CMSS1: variants seen among roughly 807,000 people sequenced by gnomAD.
CMSS1 encodes protein CMSS1.
A neutral mutation model predicts 43.5 loss-of-function variants in CMSS1; 33 were observed. That is an observed-to-expected ratio of 0.76 (90% confidence interval 0.57 to 1.01). The LOEUF is 1.01. Among genes scored for constraint, CMSS1 ranks in the 50% least tolerant of loss-of-function variants. The pLI is 0.00. For missense variants in CMSS1, 313 were observed against 326.4 expected (o/e 0.96, Z 0.32); for synonymous variants, 115 against 117.2 (o/e 0.98, Z 0.12).
At chr3:100,136,102 A>G (rs2066750884) in intron 1 of CMSS1, among the ~76,000 whole-genome samples, 1 of 152,220 alleles carries the variant, frequency 6.6e-6, no homozygotes, top group Admixed American at 6.5e-5. Context: ...CAGAATGACA[A>G]GAAAACTTCT....
intron 1 of CMSS1, among the ~76,000 whole-genome samples, chr3:99,860,696 A>G (rs897048719): frequency 1.3e-5 from 2 of 152,164 alleles, no homozygotes; most frequent in African/African-American, 4.8e-5. Context: ...AGACTTGAAA[A>G]GATGCTCAGG....
intron 1 of CMSS1, among the ~76,000 whole-genome samples, chr3:99,867,702 T>C (rs1373532039): frequency 6.6e-6 from 1 of 152,144 alleles, no homozygotes; most frequent in Non-Finnish European, 1.5e-5. Flanking sequence ...ACAAAATAAA[T>C]ACTCCCAACA....
chr3:100,155,384 C>A (rs1258177001), intron 2 of CMSS1, among the ~76,000 whole-genome samples: 1 of 152,164 alleles, frequency 6.6e-6, no homozygotes, highest in Non-Finnish European at 1.5e-5. Flanking sequence ...TTACTCTGTT[C>A]CTATTGTTAA....
chr3:99,954,004 G>A (rs1708250416), intron 1 of CMSS1, among the ~76,000 whole-genome samples: 1 of 152,202 alleles, frequency 6.6e-6, no homozygotes, highest in Non-Finnish European at 1.5e-5. Context: ...CCTTATTTTT[G>A]TTGCACCCTT....
intron 1 of CMSS1, among the ~76,000 whole-genome samples, chr3:99,923,006 C>G (rs1424986106): frequency 2.0e-5 from 3 of 152,034 alleles, no homozygotes; most frequent in Non-Finnish European, 4.4e-5. Context: ...TTATTTGGTG[C>G]TATTTGACTG....
chr3:99,845,323 A>T (rs1265844777), intron 1 of CMSS1, among the ~76,000 whole-genome samples: 1 of 152,204 alleles, frequency 6.6e-6, no homozygotes, highest in Admixed American at 6.5e-5. Flanking sequence ...ATAGGATTCT[A>T]CCTTTTAAAG....
At chr3:99,884,102 C>G (rs1241710816) in intron 1 of CMSS1, among the ~76,000 whole-genome samples, 1 of 152,080 alleles carries the variant, frequency 6.6e-6, no homozygotes, top group Non-Finnish European at 1.5e-5. Context: ...GTTAGCAGCC[C>G]TTATAGTTCA....
intron 1 of CMSS1, among the ~76,000 whole-genome samples, chr3:99,856,563 T>C (rs1559661878): frequency 6.6e-6 from 1 of 152,216 alleles, no homozygotes; most frequent in Non-Finnish European, 1.5e-5. Flanking sequence ...CTTAAAGCAG[T>C]ATCTTATTAC....
At chr3:99,865,070 G>C (rs1048424613) in intron 1 of CMSS1, among the ~76,000 whole-genome samples, 10 of 152,150 alleles carry the variant, frequency 6.6e-5, no homozygotes, top group African/African-American at 2.4e-4. Flanking sequence ...ATATTTGAAA[G>C]CATGGGTATA....
intron 1 of CMSS1, among the ~76,000 whole-genome samples, chr3:100,032,557 T>C (rs1367316531): frequency 6.6e-6 from 1 of 152,188 alleles, no homozygotes; most frequent in East Asian, 1.9e-4. Context: ...TTCATAACAT[T>C]GTAAAGCTCA....
intron 1 of CMSS1, among the ~76,000 whole-genome samples, chr3:99,942,848 CAA>C (rs1707891812): frequency 6.6e-6 from 1 of 150,906 alleles, no homozygotes. Context: ...AACTGAAAAA[CAA>C]GAGGTGATTT....
At chr3:100,026,565 T>G (rs2064925945) in intron 1 of CMSS1, among the ~76,000 whole-genome samples, 1 of 152,120 alleles carries the variant, frequency 6.6e-6, no homozygotes, top group Non-Finnish European at 1.5e-5. Context: ...TCTCCTGATT[T>G]TAAATGTTGG....
intron 1 of CMSS1, among the ~76,000 whole-genome samples, chr3:99,907,659 T>C (rs1184578121): frequency 6.6e-6 from 1 of 152,230 alleles, no homozygotes; most frequent in Non-Finnish European, 1.5e-5. Flanking sequence ...CCTTGCTTTT[T>C]CCTGAATTTG....
chr3:99,829,175 T>G (rs1305947604), intron 1 of CMSS1, among the ~76,000 whole-genome samples: 1 of 152,226 alleles, frequency 6.6e-6, no homozygotes, highest in East Asian at 1.9e-4. Context: ...TCCAGGGTCA[T>G]GCTTCCAGTT....
chr3:99,979,067 A>G (rs929198488), intron 1 of CMSS1, among the ~76,000 whole-genome samples: 1 of 152,116 alleles, frequency 6.6e-6, no homozygotes, highest in South Asian at 2.1e-4. Flanking sequence ...TTTACTGTAT[A>G]TTTTCAAATA....
rs368696485 is a variant in CMSS1, at chr3:99,879,771, T to C, written c.64+61728T>C. On this transcript the variant is annotated intron_variant, in intron 1 of 9. Transcript: ENST00000421999. ...CTTTGCCTCTGTGAGATAGTATATA[T>C]GGAAACACTGTCATGTACAAAGAAA... 2.0e-5 allele frequency among the ~76,000 whole-genome samples: 3 copies of C among 152,308 alleles called. No individual in the cohort carries two copies. The South Asian group carries it at 6.2e-4, about 32-fold the overall frequency.
chr3:100,084,612 A>ATG (rs1281824662), intron 1 of CMSS1, among the ~76,000 whole-genome samples: 1 of 152,186 alleles, frequency 6.6e-6, no homozygotes, highest in African/African-American at 2.4e-5. Flanking sequence ...AGAGGAACTG[A>ATG]TGTGGTTTTA....
At chr3:99,983,152 T>A (rs1282910211) in intron 1 of CMSS1, among the ~76,000 whole-genome samples, 1 of 151,604 alleles carries the variant, frequency 6.6e-6, no homozygotes, top group East Asian at 1.9e-4. Context: ...TAAGTGCCAT[T>A]TGAAAAAAAA....
chr3:100,016,876 A>G (rs1347358870), intron 1 of CMSS1, among the ~76,000 whole-genome samples: 2 of 152,252 alleles, frequency 1.3e-5, no homozygotes, highest in African/African-American at 4.8e-5. Flanking sequence ...ATCTAATGGC[A>G]AAGTGAGAAT....
Sources: gnomAD v4.1 joint callset for allele counts (sites outside exome capture counted in the v4.1 genomes callset) on GRCh38, gnomAD v4.1.1 for gene constraint, MANE v1.5 for transcripts, NCBI Gene and HGNC (gene_info 2026-07-23, HGNC 2026-07-21) for gene names.